The following ARPC1B variants were observed in gnomAD, a reference collection of about 807,000 sequenced individuals.
ARPC1B encodes actin-related protein 2/3 complex subunit 1B.
ARPC1B carries 29 observed loss-of-function variants against 46.0 expected under a neutral mutation model. The observed-to-expected ratio is 0.63, with a 90% CI of 0.47 to 0.86. The LOEUF is 0.86. Among genes scored for constraint, ARPC1B ranks in the 40% least tolerant of loss-of-function variants. The probability of loss-of-function intolerance (pLI) is 0.00; values close to 1 mark genes in which losing one functional copy is unlikely to be tolerated. For missense variants in ARPC1B, 469 were observed against 529.4 expected (o/e 0.89, Z 1.12); for synonymous variants, 201 against 213.9 (o/e 0.94, Z 0.53).
intron 9 of ARPC1B, 147 bp downstream of exon 9, chr7:99,394,266 C>A: frequency 9.0e-7 from 1 of 1,108,718 alleles, no homozygotes; most frequent in Non-Finnish European, 1.3e-6. Flanking sequence ...CCCTTGACAT[C>A]TGGGCCTTGG....
At chr7:99,394,242 G>C in intron 9 of ARPC1B, 123 bp downstream of exon 9, 1 of 1,234,418 alleles carries the variant, frequency 8.1e-7, no homozygotes, top group African/African-American at 1.5e-5. Context: ...ATGGGGATGA[G>C]GGGTGGGGGC....
At chr7:99,387,944 G>A (rs1413568386) in intron 3 of ARPC1B, 95 bp from the exon 4 acceptor site, 1 of 795,392 alleles carries the variant, frequency 1.3e-6, no homozygotes, top group Non-Finnish European at 2.1e-6. Flanking sequence ...GCTTCCACCT[G>A]GATGGTGGCC....
At chr7:99,392,916 G>C (rs200136486) in intron 8 of ARPC1B, 40 bp downstream of exon 8, 7 of 1,506,794 alleles carry the variant, frequency 4.6e-6, no homozygotes, top group Admixed American at 4.2e-5. Flanking sequence ...GCGGGGCCTC[G>C]GCTCGCCCAG....
At position 99,389,945 on chromosome 7, in the gene ARPC1B, G is replaced by T; in HGVS notation, c.433G>T (p.Val145Phe). 1 of 1,614,142 alleles carries T rather than the reference G, an allele frequency of 6.2e-7. No individual in the cohort carries two copies. The highest frequency in any genetic ancestry group is 8.5e-7 in the Non-Finnish European group (1 of 1,180,012). The change falls in exon 5 of 10, where the codon GTC becomes TTC. Residue 145 changes from valine (V) to phenylalanine (F), a missense_variant. Physicochemically the swap from Val to Phe is conservative, Grantham distance 50. Transcript: ENST00000646101. ...KHIKKPIRST[V>F]LSLDWHPNNV... The stretch of plus-strand genomic sequence containing the variant: ...CATCAAGAAGCCCATCCGCTCCACC[G>T]TCCTCAGCCTGGACTGGCACCCCAA...
chr7:99,381,506 C>T (rs1794221096), intron 1 of ARPC1B, among the ~76,000 whole-genome samples: 2 of 152,168 alleles, frequency 1.3e-5, no homozygotes, highest in East Asian at 1.9e-4. Flanking sequence ...CCCTGCGCTG[C>T]GTGTGTCTAC....
intron 1 of ARPC1B, among the ~76,000 whole-genome samples, chr7:99,379,647 G>A (rs998830952): frequency 6.6e-6 from 1 of 152,076 alleles, no homozygotes; most frequent in African/African-American, 2.4e-5. Context: ...GGAAATATTG[G>A]CTGAGGGCAC....
chr7:99,391,478 C>G (rs1196150056), intron 7 of ARPC1B, among the ~76,000 whole-genome samples: 1 of 152,190 alleles, frequency 6.6e-6, no homozygotes, highest in Non-Finnish European at 1.5e-5. Context: ...GGTGCGGTGG[C>G]TCACACTTAA....
At chr7:99,375,367 C>A (rs951455220) in intron 1 of ARPC1B, among the ~76,000 whole-genome samples, 10 of 152,198 alleles carry the variant, frequency 6.6e-5, no homozygotes, top group Non-Finnish European at 1.5e-4. Context: ...CCACCCGCCT[C>A]CCCCGGGCCA....
At chr7:99,384,518 A>G (rs538546037) in intron 1 of ARPC1B, among the ~76,000 whole-genome samples, 132 of 152,228 alleles carry the variant, frequency 8.7e-4, no homozygotes, top group Non-Finnish European at 1.6e-3. Context: ...ACTGCACTCC[A>G]TCCTGGGCCA....
At chr7:99,392,962 C>A (rs559046842) in intron 8 of ARPC1B, 86 bp downstream of exon 8, 33 of 1,332,162 alleles carry the variant, frequency 2.5e-5, no homozygotes, top group South Asian at 5.9e-5. Flanking sequence ...CTGGAGTCTT[C>A]CTCCTGGGGC....
chr7:99,379,573 G>A (rs1794148110), intron 1 of ARPC1B, among the ~76,000 whole-genome samples: 2 of 152,160 alleles, frequency 1.3e-5, no homozygotes, highest in Non-Finnish European at 2.9e-5. Context: ...AAGGAAGCCA[G>A]GCAAGAAGGG....
Position 99,386,684 on chromosome 7 carries a change from G to T in ARPC1B, c.65-1G>T. On this transcript the variant is annotated splice_acceptor_variant, in intron 2 of 9. Coordinates refer to ENST00000646101, the MANE Select transcript of ARPC1B (RefSeq NM_005720.4). LOFTEE classifies it high-confidence loss of function. ...TCAATCTCCCTCCATCTCCCCTTCA[G>T]AGATTGCCATCTGCCCCAACAACCA... is the stretch of plus-strand genomic sequence containing the variant. The T allele has an allele frequency of 1.9e-6, 3 of 1,613,102 alleles. No homozygotes were observed. The highest frequency in any genetic ancestry group is 2.5e-6 in the Non-Finnish European group (3 of 1,179,078).
chr7:99,385,707 A>C lies in ARPC1B; in HGVS notation c.-8A>C. On this transcript the variant is annotated 5_prime_UTR_variant, in exon 2 of 10. Transcript: ENST00000646101. ...TCTTCCTCTCTCGGGCACAGGAGCCAAGCCGCCATGGCCTACCACAGCTTC... is the reference window on the plus strand; with the variant it reads ...TCTTCCTCTCTCGGGCACAGGAGCCCAGCCGCCATGGCCTACCACAGCTTC... 1.2e-6 allele frequency: 2 copies of C among 1,608,294 alleles called. No homozygotes were observed. Among genetic ancestry groups the C allele is most frequent in the South Asian group, 2.2e-5 (2 of 89,908 alleles).
chr7:99,392,553 G>A (rs1235161881), intron 7 of ARPC1B, 118 bp from the exon 8 acceptor site: 2 of 922,786 alleles, frequency 2.2e-6, no homozygotes, highest in South Asian at 1.8e-5. Context: ...CCTCGCTGTG[G>A]CCCGTCTGTA....
chr7:99,388,427 G>A (rs1200557228), intron 4 of ARPC1B, among the ~76,000 whole-genome samples, 166 bp downstream of exon 4: 3 of 152,134 alleles, frequency 2.0e-5, no homozygotes, highest in Non-Finnish European at 4.4e-5. Flanking sequence ...CCTCTCTGCA[G>A]CGTCCGGATG....
Position 99,394,129 on chromosome 7 carries a change from G to T in ARPC1B, c.1080+10G>T, listed in dbSNP as rs1562819953. The stretch of plus-strand genomic sequence containing the variant: ...TATCTGGGATGTGAAGGTGAGGCTT[G>T]CCCCTCCTGGCTTCCCGCCATGCCT... On this transcript the variant is annotated intron_variant, in intron 9 of 9. Coordinates refer to ENST00000646101, the MANE Select transcript of ARPC1B (RefSeq NM_005720.4). 6.2e-7 allele frequency: 1 copy of T among 1,612,312 alleles called. No homozygotes were observed. Among genetic ancestry groups the T allele is most frequent in the Non-Finnish European group, 8.5e-7 (1 of 1,179,842 alleles).
intron 5 of ARPC1B, among the ~76,000 whole-genome samples, chr7:99,390,478 G>A (rs1794536363): frequency 6.6e-6 from 1 of 151,842 alleles, no homozygotes; most frequent in South Asian, 2.1e-4. Context: ...AAGCGATCAA[G>A]CGATTCTCCT....
At chr7:99,392,981 G>C in intron 8 of ARPC1B, 105 bp downstream of exon 8, 1 of 1,205,592 alleles carries the variant, frequency 8.3e-7, no homozygotes, top group Non-Finnish European at 1.1e-6. Flanking sequence ...GCATTGTGCT[G>C]GGACCTTGAG....
chr7:99,386,389 C>A, intron 2 of ARPC1B: 1 of 547,718 alleles, frequency 1.8e-6, no homozygotes, highest in South Asian at 1.5e-5. Flanking sequence ...GAGGGGCTGG[C>A]AGGTGCAGGG....
Sources: allele counts gnomAD v4.1 joint callset (sites outside exome capture counted in the v4.1 genomes callset), GRCh38; gene constraint gnomAD v4.1.1; transcripts MANE v1.5; gene names NCBI Gene and HGNC (gene_info 2026-07-23, HGNC 2026-07-21).